Variants in CNBD1 observed in about 807,000 individuals in gnomAD.
The protein encoded by CNBD1 is cyclic nucleotide-binding domain-containing protein 1.
Under a neutral mutation model 54.4 loss-of-function variants are expected in CNBD1, and 71 were observed. The ratio of observed to expected loss-of-function variants is 1.30; its 90% CI spans 1.08 to 1.59. CNBD1 has a LOEUF of 1.59. Ranked by LOEUF, CNBD1 falls within the 40% of genes most tolerant of loss-of-function variation. The pLI is 0.00. For missense variants in CNBD1, 659 were observed against 518.0 expected (o/e 1.27, Z -2.64); for synonymous variants, 182 against 170.7 (o/e 1.07, Z -0.51).
At chr8:87,365,382 A>G (rs528453829) in intron 10 of CNBD1, among the ~76,000 whole-genome samples, 1 of 152,068 alleles carries the variant, frequency 6.6e-6, no homozygotes, top group South Asian at 2.1e-4. Flanking sequence ...AGTTACTTAT[A>G]GATTCTGGAT....
At chr8:87,283,372 A>AAGGAC (rs1256174459) in intron 6 of CNBD1, among the ~76,000 whole-genome samples, 3 of 151,510 alleles carry the variant, frequency 2.0e-5, no homozygotes, top group Non-Finnish European at 2.9e-5. Context: ...ATAGGGTTTT[A>AAGGAC]TTCATTTGTG....
exon 3 of CNBD1, chr8:87,428,600 G>A: frequency 2.2e-6 from 1 of 454,410 alleles, no homozygotes; most frequent in South Asian, 1.6e-5. Flanking sequence ...CCAACTTTTG[G>A]CCATCTGACA....
chr8:87,112,220 T>C (rs567972468), intron 4 of CNBD1, among the ~76,000 whole-genome samples: 1 of 152,324 alleles, frequency 6.6e-6, no homozygotes, highest in East Asian at 1.9e-4. Flanking sequence ...GAGCTTCTTA[T>C]GGAGCATTGT....
chr8:87,348,758 A>G (rs16898932), intron 8 of CNBD1, among the ~76,000 whole-genome samples: 3,681 of 152,314 alleles, frequency 0.024, 153 homozygotes, highest in African/African-American at 0.081. Flanking sequence ...TGATGCTAAT[A>G]GCCAGTAGGG....
chr8:87,278,046 A>G (rs16898267), intron 6 of CNBD1, among the ~76,000 whole-genome samples: 2,893 of 151,754 alleles, frequency 0.019, 86 homozygotes, highest in African/African-American at 0.062. Context: ...AATGAAATTA[A>G]TAACTCAATA....
chr8:87,282,608 TA>T (rs1808619761), intron 6 of CNBD1, among the ~76,000 whole-genome samples: 1 of 151,874 alleles, frequency 6.6e-6, no homozygotes, highest in Non-Finnish European at 1.5e-5. Flanking sequence ...TCAACTAAAA[TA>T]ATTGGTGTGT....
At chr8:87,149,758 T>C (rs572292690) in intron 4 of CNBD1, among the ~76,000 whole-genome samples, 1 of 151,962 alleles carries the variant, frequency 6.6e-6, no homozygotes, top group Non-Finnish European at 1.5e-5. Flanking sequence ...AGAAAAAAAA[T>C]AGTTTAAATC....
At chr8:87,405,751 A>G (rs1030798459) in intron 2 of CNBD1, among the ~76,000 whole-genome samples, 1 of 152,160 alleles carries the variant, frequency 6.6e-6, no homozygotes, top group Non-Finnish European at 1.5e-5. Flanking sequence ...AACAATGCCG[A>G]TAGCACAAGG....
intron 3 of CNBD1, among the ~76,000 whole-genome samples, chr8:86,914,917 T>G (rs1809159394): frequency 6.6e-6 from 1 of 152,204 alleles, no homozygotes; most frequent in Non-Finnish European, 1.5e-5. Flanking sequence ...AAAAAGATTG[T>G]AATTATAACC....
intron 10 of CNBD1, among the ~76,000 whole-genome samples, chr8:87,372,086 A>T (rs1432227419): frequency 3.3e-5 from 5 of 151,924 alleles, no homozygotes; most frequent in Non-Finnish European, 5.9e-5. Flanking sequence ...TATCCAGAAA[A>T]CCCCACTGTC....
intron 2 of CNBD1, among the ~76,000 whole-genome samples, chr8:87,423,451 TC>T (rs1563596784): frequency 5.9e-5 from 9 of 152,016 alleles, no homozygotes; most frequent in African/African-American, 2.2e-4. Flanking sequence ...ATATGTCCCA[TC>T]AGTACCTACT....
intron 10 of CNBD1, among the ~76,000 whole-genome samples, chr8:87,365,677 A>C (rs561203749): frequency 2.6e-5 from 4 of 152,132 alleles, no homozygotes; most frequent in Admixed American, 2.0e-4. Context: ...CACAATTTTG[A>C]TGTATTCAGG....
intron 4 of CNBD1, among the ~76,000 whole-genome samples, chr8:87,021,228 C>A (rs1178469712): frequency 6.6e-6 from 1 of 152,192 alleles, no homozygotes; most frequent in Non-Finnish European, 1.5e-5. Flanking sequence ...CAGAATAAAT[C>A]TCTTCAAATA....
At chr8:87,312,529 A>C (rs188296117) in intron 8 of CNBD1, among the ~76,000 whole-genome samples, 1 of 152,198 alleles carries the variant, frequency 6.6e-6, no homozygotes, top group East Asian at 1.9e-4. Context: ...CATTGCTTTT[A>C]TAAAGAGAGA....
At chr8:87,301,969 C>T (rs1204681939) in intron 8 of CNBD1, among the ~76,000 whole-genome samples, 1 of 152,132 alleles carries the variant, frequency 6.6e-6, no homozygotes, top group Non-Finnish European at 1.5e-5. Context: ...AGACCAATAA[C>T]AGGCTCTGAA....
At chr8:86,976,377 C>T (rs1808343293) in intron 4 of CNBD1, among the ~76,000 whole-genome samples, 1 of 151,706 alleles carries the variant, frequency 6.6e-6, no homozygotes, top group Non-Finnish European at 1.5e-5. Context: ...ACATTTAAGT[C>T]TTTAATCCAT....
At chr8:87,367,771 G>A (rs1482831625) in intron 10 of CNBD1, among the ~76,000 whole-genome samples, 2 of 152,038 alleles carry the variant, frequency 1.3e-5, no homozygotes, top group African/African-American at 2.4e-5. Context: ...GCTCTCTATC[G>A]AAAGGTCATG....
intron 4 of CNBD1, among the ~76,000 whole-genome samples, chr8:86,965,878 G>A (rs1195604913): frequency 6.6e-6 from 1 of 152,070 alleles, no homozygotes; most frequent in East Asian, 1.9e-4. Context: ...CAACAGAGAG[G>A]AGGCCCTGGA....
intron 2 of CNBD1, among the ~76,000 whole-genome samples, chr8:87,428,193 A>T (rs1055639917): frequency 6.6e-6 from 1 of 152,100 alleles, no homozygotes; most frequent in Non-Finnish European, 1.5e-5. Flanking sequence ...AAAAAACCCA[A>T]ATATCTAGTG....
Sources: gnomAD v4.1 joint callset for allele counts (sites outside exome capture counted in the v4.1 genomes callset) on GRCh38, gnomAD v4.1.1 for gene constraint, MANE v1.5 for transcripts, NCBI Gene and HGNC (gene_info 2026-07-23, HGNC 2026-07-21) for gene names.